Variants in MBD5 observed in about 807,000 individuals in gnomAD.
The protein encoded by MBD5 is methyl-CpG binding domain protein 5, also known as methyl-CpG-binding domain protein 5.
In MBD5, 13 loss-of-function variants were observed where a neutral mutation model predicts 117.3. The ratio of observed to expected loss-of-function variants is 0.11; its 90% CI spans 0.07 to 0.18. MBD5 has a LOEUF of 0.18. Among genes scored for constraint, MBD5 ranks in the 10% least tolerant of loss-of-function variants. The pLI is 1.00. For synonymous variants in MBD5, 727 were observed against 766.4 expected (o/e 0.95, Z 0.85); for missense variants, 1,879 against 2,093.8 (o/e 0.90, Z 2.00).
intron 7 of MBD5, among the ~76,000 whole-genome samples, chr2:148,465,057 A>G (rs1002375827): frequency 1.3e-5 from 2 of 152,118 alleles, no homozygotes; most frequent in East Asian, 1.9e-4. Flanking sequence ...ACATATCTTT[A>G]TATCAATTAA....
intron 2 of MBD5, among the ~76,000 whole-genome samples, chr2:148,200,222 T>C (rs1699101691): frequency 6.6e-6 from 1 of 151,618 alleles, no homozygotes; most frequent in Non-Finnish European, 1.5e-5. Flanking sequence ...CTAATGCATA[T>C]GTAATCTACA....
intron 3 of MBD5, among the ~76,000 whole-genome samples, chr2:148,312,518 C>T (rs1702058641): frequency 6.6e-6 from 1 of 152,150 alleles, no homozygotes. Context: ...TAGTGTTCTT[C>T]TCTAAACTGG....
chr2:148,424,271 T>C (rs1335734993), intron 4 of MBD5, among the ~76,000 whole-genome samples: 3 of 125,142 alleles, frequency 2.4e-5, no homozygotes, highest in South Asian at 2.9e-4. Flanking sequence ...CCAACAAAGA[T>C]CAAAAGAGAC....
At chr2:148,299,089 C>T (rs1701721245) in intron 3 of MBD5, among the ~76,000 whole-genome samples, 2 of 152,094 alleles carry the variant, frequency 1.3e-5, no homozygotes, top group Admixed American at 1.3e-4. Flanking sequence ...CTAGAACCTC[C>T]CAGCAGAAGG....
At chr2:148,431,995 C>G (rs1706002863) in intron 4 of MBD5, among the ~76,000 whole-genome samples, 1 of 151,226 alleles carries the variant, frequency 6.6e-6, no homozygotes, top group African/African-American at 2.4e-5. Context: ...ATTTATACTC[C>G]CGTTAGCACT....
chr2:148,426,575 G>A (rs972083076), intron 4 of MBD5, among the ~76,000 whole-genome samples: 1 of 152,060 alleles, frequency 6.6e-6, no homozygotes, highest in Non-Finnish European at 1.5e-5. Flanking sequence ...TTAATAAATG[G>A]TGCTGGGAAA....
At chr2:148,392,230 G>C (rs75754888) in intron 4 of MBD5, among the ~76,000 whole-genome samples, 18,911 of 152,118 alleles carry the variant, frequency 0.12, 1,564 homozygotes, top group Non-Finnish European at 0.19. Flanking sequence ...CAGCGACATA[G>C]CATGAATCCA....
Position 148,485,890 on chromosome 2 carries a change from G to C in MBD5, c.3693G>C (p.Gln1231His). 1 of 1,614,100 alleles carries C rather than the reference G, an allele frequency of 6.2e-7. No homozygotes were observed. ...GYQNLQAFQGQSTIPCPANNN... is the reference protein window; with the variant it reads ...GYQNLQAFQGHSTIPCPANNN... ...AGAATCTCCAGGCGTTCCAAGGACA[G>C]TCCACAATTCCTTGCCCAGCTAACA... Residue 1231 changes from glutamine (Q) to histidine (H), a missense_variant, in exon 10 of 14, where the codon CAG becomes CAC. By Grantham distance (24) the Gln-to-His change is conservative (BLOSUM62 0). Around this residue, in one of 4 missense-constraint regions of MBD5, gnomAD observed 1,666 missense variants for 1,792.2 expected, o/e 0.93. Transcript: ENST00000642680.
At chr2:148,132,333 TA>T (rs1697068882) in intron 1 of MBD5, among the ~76,000 whole-genome samples, 1 of 782 alleles carries the variant, frequency 1.3e-3, no homozygotes, top group Non-Finnish European at 0.015. Flanking sequence ...TATATATACA[TA>T]TATATATATA....
At chr2:148,268,122 G>A (rs1253344610) in intron 3 of MBD5, among the ~76,000 whole-genome samples, 4 of 151,536 alleles carry the variant, frequency 2.6e-5, no homozygotes, top group Non-Finnish European at 5.9e-5. Flanking sequence ...GCTAGTTTTT[G>A]TATTTTTTTG....
intron 8 of MBD5, among the ~76,000 whole-genome samples, chr2:148,479,639 A>T (rs1681081970): frequency 6.6e-6 from 1 of 151,952 alleles, no homozygotes; most frequent in African/African-American, 2.4e-5. Flanking sequence ...GAAACCTCAC[A>T]ATATTTTCAG....
chr2:148,417,086 C>T (rs1260084681), intron 4 of MBD5, among the ~76,000 whole-genome samples: 1 of 151,988 alleles, frequency 6.6e-6, no homozygotes, highest in East Asian at 1.9e-4. Context: ...GTAAATTCTT[C>T]TTCTGTAAAC....
rs1156787402 is a variant in MBD5, at chr2:148,477,297, G to A, written c.2519-5813G>A. On this transcript the variant is annotated intron_variant, in intron 8 of 13. Coordinates refer to ENST00000642680, the MANE Select transcript of MBD5 (RefSeq NM_001378120.1). ...CTCTTGGCCCTGTTGAGTGTGGAGA[G>A]CATTTCCTCAGATACTGCCATAGCT... Among the ~76,000 whole-genome samples the A allele has an allele frequency of 7.2e-5, 11 of 152,080 alleles. 1 individual carries two copies. The highest frequency in any genetic ancestry group is 5.2e-4 in the Admixed American group (8 of 15,254).
At chr2:148,351,217 A>G (rs1304952218) in intron 4 of MBD5, among the ~76,000 whole-genome samples, 3 of 151,958 alleles carry the variant, frequency 2.0e-5, no homozygotes, top group African/African-American at 4.8e-5. Context: ...ATTTCAGAGC[A>G]TTTTCATCAC....
At chr2:148,082,052 G>T (rs911366175) in intron 1 of MBD5, among the ~76,000 whole-genome samples, 1 of 151,772 alleles carries the variant, frequency 6.6e-6, no homozygotes, top group Admixed American at 6.6e-5. Flanking sequence ...ATTCTTTTTG[G>T]TTGCTGTTTT....
At chr2:148,108,271 A>G (rs925932221) in intron 1 of MBD5, among the ~76,000 whole-genome samples, 3 of 152,184 alleles carry the variant, frequency 2.0e-5, no homozygotes, top group African/African-American at 7.2e-5. Flanking sequence ...CTAATTTACC[A>G]TGAGCAAATT....
chr2:148,330,690 T>C (rs1311272105), intron 3 of MBD5: 2 of 152,194 alleles, frequency 1.3e-5, no homozygotes, highest in East Asian at 1.9e-4. Context: ...TGTGGGGTAG[T>C]TGAACAAGAC....
chr2:148,155,370 G>A (rs1697844483), intron 1 of MBD5, among the ~76,000 whole-genome samples: 1 of 152,196 alleles, frequency 6.6e-6, no homozygotes, highest in Admixed American at 6.5e-5. Context: ...TAGCCATTGT[G>A]CCTGGCTTCA....
intron 2 of MBD5, among the ~76,000 whole-genome samples, chr2:148,199,381 A>G (rs897771443): frequency 1.3e-5 from 2 of 152,240 alleles, no homozygotes; most frequent in Non-Finnish European, 2.9e-5. Flanking sequence ...AGTAATTTTC[A>G]TATTAATACA....
Sources: gnomAD v4.1 joint callset for allele counts (sites outside exome capture counted in the v4.1 genomes callset) on GRCh38, gnomAD v4.1.1 for gene constraint, gnomAD v4.1.1 regional missense constraint, MANE v1.5 for transcripts, NCBI Gene and HGNC (gene_info 2026-07-23, HGNC 2026-07-21) for gene names.